Variants in UXS1 observed in about 807,000 individuals in gnomAD.
UXS1 encodes the protein UDP-glucuronic acid decarboxylase 1.
Under a neutral mutation model 62.6 loss-of-function variants are expected in UXS1, and 33 were observed. The observed-to-expected ratio is 0.53, with a 90% CI of 0.40 to 0.70. The LOEUF (loss-of-function observed/expected upper bound fraction) is 0.70. UXS1 is among the 30% of genes least tolerant of loss of function. The pLI is 0.00. For synonymous variants in UXS1, 213 were observed against 206.8 expected, an observed-to-expected ratio of 1.03 and a Z score of -0.26; for missense variants, 434 against 556.3, an observed-to-expected ratio of 0.78 and a Z score of 2.21.
At chr2:106,190,682 G>A (rs578167221) in intron 1 of UXS1, among the ~76,000 whole-genome samples, 2 of 150,532 alleles carry the variant, frequency 1.3e-5, no homozygotes, top group South Asian at 4.2e-4. Flanking sequence ...GGCCAAGGTT[G>A]CAGTGAGCCG....
At chr2:106,164,706 A>T (rs1477619069) in intron 3 of UXS1, 30 bp downstream of exon 3, 2 of 1,484,734 alleles carry the variant, frequency 1.3e-6, no homozygotes, top group Non-Finnish European at 1.8e-6. Flanking sequence ...ATACAGATGA[A>T]ATAGATACAA....
intron 5 of UXS1, among the ~76,000 whole-genome samples, chr2:106,154,445 A>C (rs569936336): frequency 6.6e-6 from 1 of 152,302 alleles, no homozygotes; most frequent in South Asian, 2.1e-4. Flanking sequence ...TTAGGGTGGG[A>C]CTTTAATCCA....
At chr2:106,169,783 CCTT>C (rs1428409847) in intron 1 of UXS1, among the ~76,000 whole-genome samples, 7 of 152,186 alleles carry the variant, frequency 4.6e-5, no homozygotes, top group Admixed American at 2.6e-4. Flanking sequence ...ATCCCAGACA[CCTT>C]CTGTTTCCTT....
At chr2:106,184,502 C>A (rs1206750162) in intron 1 of UXS1, among the ~76,000 whole-genome samples, 1 of 152,216 alleles carries the variant, frequency 6.6e-6, no homozygotes, top group Non-Finnish European at 1.5e-5. Context: ...GGCTAATAAA[C>A]AGGAATTTGT....
At chr2:106,110,999 C>T (rs886590830) in intron 10 of UXS1, among the ~76,000 whole-genome samples, 20 of 152,236 alleles carry the variant, frequency 1.3e-4, no homozygotes, top group Non-Finnish European at 2.4e-4. Flanking sequence ...CAAGGAAGCC[C>T]GGCCTGAGGG....
intron 5 of UXS1, among the ~76,000 whole-genome samples, chr2:106,153,510 T>C (rs917954151): frequency 2.0e-5 from 3 of 151,968 alleles, no homozygotes; most frequent in African/African-American, 7.3e-5. Flanking sequence ...TTCACTAAAG[T>C]AGACCAGAGA....
At chr2:106,141,742 C>A (rs1217243704) in intron 6 of UXS1, among the ~76,000 whole-genome samples, 1 of 152,124 alleles carries the variant, frequency 6.6e-6, no homozygotes. Flanking sequence ...ATCCACTGTG[C>A]CCGGCCATCT....
In UXS1 at chr2:106,101,067, C is replaced by A. The variant is rs550437685; in HGVS notation, c.975G>T (p.Pro325=). The A allele has an allele frequency of 1.9e-6, 3 of 1,613,838 alleles. No homozygotes were observed. In the East Asian group the frequency reaches 6.7e-5, roughly 36 times the overall value. The part of the protein sequence containing the change: ...VALMNSNVSS[P]VNLGNPEEHT... ...GGAGAGGAGCACTCACCAGGTTGAC[C>A]GGGCTGCTGACGTTGCTGTTCATGA... Residue 325 remains proline (P), a synonymous_variant, in exon 12 of 15, where the codon CCG becomes CCT. Coordinates refer to ENST00000283148, the MANE Select transcript of UXS1 (RefSeq NM_001253875.2).
At chr2:106,170,546 A>G (rs959791707) in intron 1 of UXS1, among the ~76,000 whole-genome samples, 2 of 152,166 alleles carry the variant, frequency 1.3e-5, no homozygotes, top group African/African-American at 4.8e-5. Context: ...CAGACGCGCT[A>G]TAACCAATTA....
At chr2:106,161,481 TC>T (rs1682892553) in intron 4 of UXS1, among the ~76,000 whole-genome samples, 1 of 151,726 alleles carries the variant, frequency 6.6e-6, no homozygotes, top group Admixed American at 6.6e-5. Context: ...TCCATTAAGC[TC>T]CGTTCTACAC....
intron 9 of UXS1, among the ~76,000 whole-genome samples, chr2:106,114,831 G>C (rs959389295): frequency 6.6e-6 from 1 of 152,078 alleles, no homozygotes. Flanking sequence ...TCTCAAGGCT[G>C]GTCTACACCA....
At chr2:106,118,724 A>T (rs1185955686) in intron 9 of UXS1, among the ~76,000 whole-genome samples, 1 of 152,208 alleles carries the variant, frequency 6.6e-6, no homozygotes, top group African/African-American at 2.4e-5. Context: ...ACATTAGGAC[A>T]TTTCATTCAT....
chr2:106,130,811 C>G (rs78173894), intron 6 of UXS1, among the ~76,000 whole-genome samples: 78 of 152,252 alleles, frequency 5.1e-4, no homozygotes, highest in African/African-American at 1.6e-3. Flanking sequence ...CCTGGGTCCC[C>G]AACACCCTGA....
intron 1 of UXS1, among the ~76,000 whole-genome samples, chr2:106,192,503 G>A (rs963678897): frequency 4.0e-5 from 6 of 151,234 alleles, no homozygotes; most frequent in Admixed American, 6.6e-5. Context: ...GCAGTGAGCC[G>A]AGATCGCGCC....
At chr2:106,128,990 G>A (rs1362598196) in intron 7 of UXS1, among the ~76,000 whole-genome samples, 1 of 151,968 alleles carries the variant, frequency 6.6e-6, no homozygotes, top group Non-Finnish European at 1.5e-5. Flanking sequence ...AAAACCCCTG[G>A]AGTTTTTTGA....
At chr2:106,183,809 A>AT (rs1214931052) in intron 1 of UXS1, 1 of 152,198 alleles carries the variant, frequency 6.6e-6, no homozygotes, top group Admixed American at 6.5e-5. Context: ...GCAAAGGAGT[A>AT]TTTTCATTTT....
At chr2:106,104,883 T>A in intron 10 of UXS1, 46 bp from the exon 11 acceptor site, 1 of 1,612,354 alleles carries the variant, frequency 6.2e-7, no homozygotes, top group Non-Finnish European at 8.5e-7. Flanking sequence ...ACCACACCCG[T>A]CCTGCGTAGG....
At chr2:106,173,992 G>A (rs1274621766) in intron 1 of UXS1, among the ~76,000 whole-genome samples, 3 of 151,376 alleles carry the variant, frequency 2.0e-5, no homozygotes, top group Non-Finnish European at 4.4e-5. Flanking sequence ...CCCTGGAGAA[G>A]TAAAGGCTGC....
At chr2:106,106,078 C>T (rs1032253519) in intron 10 of UXS1, among the ~76,000 whole-genome samples, 25 of 152,128 alleles carry the variant, frequency 1.6e-4, no homozygotes, top group Non-Finnish European at 2.6e-4. Context: ...GAAAAGCACA[C>T]GCATGGCCTG....
Sources: gnomAD v4.1 joint callset for allele counts (sites outside exome capture counted in the v4.1 genomes callset) on GRCh38, gnomAD v4.1.1 for gene constraint, MANE v1.5 for transcripts, NCBI Gene and HGNC (gene_info 2026-07-23, HGNC 2026-07-21) for gene names.